Variants in STK3 observed in about 807,000 individuals in gnomAD.
STK3 encodes the protein serine/threonine-protein kinase 3.
In STK3, 41 loss-of-function variants were observed where a neutral mutation model predicts 58.0. The ratio of observed to expected loss-of-function variants is 0.71; its 90% CI spans 0.55 to 0.92. The LOEUF (loss-of-function observed/expected upper bound fraction) is 0.92, where lower values mean the gene tolerates loss of function less well. Among genes scored for constraint, STK3 ranks in the 40% least tolerant of loss-of-function variants. The pLI, the probability that STK3 is intolerant of heterozygous loss-of-function variation, is 0.00. For missense variants in STK3, 479 were observed against 602.7 expected (o/e 0.79, Z 2.15); for synonymous variants, 170 against 191.0 (o/e 0.89, Z 0.91).
At chr8:98,903,434 A>AT (rs1420198427) in intron 1 of STK3, among the ~76,000 whole-genome samples, 3 of 151,920 alleles carry the variant, frequency 2.0e-5, no homozygotes, top group Non-Finnish European at 4.4e-5. Context: ...AGAAAATGCT[A>AT]TTTTTTAGTA....
At chr8:98,906,131 C>G (rs919987465) in intron 1 of STK3, 1 of 153,926 alleles carries the variant, frequency 6.5e-6, no homozygotes, top group Admixed American at 6.5e-5. Flanking sequence ...CTTGATTTAA[C>G]AATCTTAATA....
chr8:98,439,061 T>C (rs911237892), intron 1 of STK3: 3 of 152,180 alleles, frequency 2.0e-5, no homozygotes, highest in African/African-American at 7.2e-5. Flanking sequence ...CCAGCCAATA[T>C]CTCTCCCTCG....
chr8:98,738,434 T>C (rs1233617295), intron 4 of STK3, among the ~76,000 whole-genome samples: 2 of 151,862 alleles, frequency 1.3e-5, no homozygotes, highest in East Asian at 1.9e-4. Flanking sequence ...GATCACGCCA[T>C]TGCACTCCAG....
At chr8:98,818,255 G>A (rs1051161089) in intron 1 of STK3, among the ~76,000 whole-genome samples, 3 of 152,150 alleles carry the variant, frequency 2.0e-5, no homozygotes, top group Non-Finnish European at 2.9e-5. Context: ...CATAGCTCAA[G>A]CTACAACAAG....
intron 4 of STK3, among the ~76,000 whole-genome samples, chr8:98,740,467 A>C (rs1829097139): frequency 6.6e-6 from 1 of 152,216 alleles, no homozygotes; most frequent in African/African-American, 2.4e-5. Flanking sequence ...AGAATTTTTA[A>C]ACCAGAATTT....
chr8:98,781,588 G>A (rs1345833876), intron 1 of STK3, among the ~76,000 whole-genome samples: 12 of 152,084 alleles, frequency 7.9e-5, no homozygotes, highest in Non-Finnish European at 5.9e-5. Flanking sequence ...AAAGAACTCA[G>A]AACAGCATTA....
chr8:98,628,806 C>G (rs1284562840), intron 6 of STK3, among the ~76,000 whole-genome samples: 1 of 123,556 alleles, frequency 8.1e-6, no homozygotes, highest in East Asian at 2.3e-4. Context: ...TGTCTCCACT[C>G]CCCTCCACAC....
chr8:98,754,100 A>G (rs1312998452), intron 3 of STK3, among the ~76,000 whole-genome samples: 1 of 152,168 alleles, frequency 6.6e-6, no homozygotes, highest in African/African-American at 2.4e-5. Context: ...TCTCCATCTC[A>G]TACCTTAAAT....
chr8:98,530,711 C>T (rs575219335), intron 9 of STK3, among the ~76,000 whole-genome samples: 20 of 152,212 alleles, frequency 1.3e-4, no homozygotes, highest in East Asian at 1.9e-4. Flanking sequence ...GATGCTGTTT[C>T]GTAACATTTT....
At position 98,700,358 on chromosome 8, in the gene STK3, G is replaced by T. The variant is rs186946922; in HGVS notation, c.684+6109C>A. 4.8e-3 allele frequency among the ~76,000 whole-genome samples: 736 copies of T among 152,332 alleles called. 2 individuals carry two copies. The highest frequency in any genetic ancestry group is 7.8e-3 in the Non-Finnish European group (529 of 68,034). On this transcript the variant is annotated intron_variant, in intron 6 of 10. Coordinates refer to ENST00000419617, the MANE Select transcript of STK3 (RefSeq NM_006281.4). ...CTCGCCCTGCTTCGGCTCGCGCACGGTGCACTGCATCCACTGTCCTGCGCC... is the reference window on the plus strand; with the variant it reads ...CTCGCCCTGCTTCGGCTCGCGCACGTTGCACTGCATCCACTGTCCTGCGCC...
chr8:98,430,261 T>A lies in STK3; in HGVS notation n.483+3866A>T, dbSNP rs1360607163. On this transcript the variant is annotated intron_variant and non_coding_transcript_variant, in intron 3 of 3. Transcript: ENST00000517832. ...AAGCCTCCTTGTTTCCTAGGGTGAC[T>A]GTAGAGAAATGTATTTCCGGATGAG... The A allele has an allele frequency of 1.8e-5, 3 of 167,210 alleles. No individual in the cohort carries two copies. The East Asian group carries it at 5.8e-4, about 32-fold the overall frequency. 10.4% of individuals were successfully genotyped at this position (167,210 alleles called of 1,614,324 possible). A position where few individuals can be genotyped will look rare whatever the true frequency, so the allele number is the denominator to read the frequency against.
the STK3 span, among the ~76,000 whole-genome samples, chr8:98,365,774 G>T: frequency 6.6e-6 from 1 of 151,912 alleles, no homozygotes; most frequent in Non-Finnish European, 1.5e-5. Flanking sequence ...TTCAAAAAAT[G>T]TATCATCCTA....
At chr8:98,592,401 C>T (rs184460310) in intron 7 of STK3, among the ~76,000 whole-genome samples, 29 of 152,298 alleles carry the variant, frequency 1.9e-4, no homozygotes, top group Non-Finnish European at 3.1e-4. Flanking sequence ...ATTACCATAT[C>T]CATTCTTCTA....
intron 6 of STK3, among the ~76,000 whole-genome samples, chr8:98,655,120 C>G (rs1236390976): frequency 1.3e-5 from 2 of 151,954 alleles, no homozygotes; most frequent in Admixed American, 1.3e-4. Context: ...CAGCATGGTA[C>G]TGGTACCAAA....
chr8:98,799,123 T>C (rs1342183392), intron 1 of STK3, among the ~76,000 whole-genome samples: 2 of 152,188 alleles, frequency 1.3e-5, no homozygotes, highest in Non-Finnish European at 2.9e-5. Flanking sequence ...ACTTAAGACA[T>C]CTATCATTTG....
intron 4 of STK3, among the ~76,000 whole-genome samples, chr8:98,713,718 T>C (rs1263580105): frequency 6.6e-6 from 1 of 152,192 alleles, no homozygotes; most frequent in East Asian, 1.9e-4. Flanking sequence ...GCTGGTATCA[T>C]TCCTTCTGAA....
At chr8:98,848,303 A>T (rs560238763) in intron 3 of STK3, among the ~76,000 whole-genome samples, 5 of 151,080 alleles carry the variant, frequency 3.3e-5, no homozygotes, top group African/African-American at 1.2e-4. Context: ...GCTGGAGTAC[A>T]ATGGTGACTT....
At chr8:98,648,413 C>T (rs1820577501) in intron 6 of STK3, among the ~76,000 whole-genome samples, 1 of 152,106 alleles carries the variant, frequency 6.6e-6, no homozygotes, top group South Asian at 2.1e-4. Flanking sequence ...AAGATCCTTG[C>T]TTTGAAAAAT....
chr8:98,491,314 A>G (rs772682409), intron 10 of STK3, among the ~76,000 whole-genome samples: 1 of 152,210 alleles, frequency 6.6e-6, no homozygotes, highest in Non-Finnish European at 1.5e-5. Context: ...GATGAAACCA[A>G]TATCTGTTCT....
Sources: allele counts gnomAD v4.1 joint callset (sites outside exome capture counted in the v4.1 genomes callset), GRCh38; gene constraint gnomAD v4.1.1; transcripts MANE v1.5; gene names NCBI Gene and HGNC (gene_info 2026-07-23, HGNC 2026-07-21).